The following TTC7A variants were observed in gnomAD, a reference collection of about 807,000 sequenced individuals.
TTC7A encodes tetratricopeptide repeat domain 7A.
A neutral mutation model predicts 103.7 loss-of-function variants in TTC7A; 110 were observed. That is an observed-to-expected ratio of 1.06 (90% CI 0.91 to 1.24). TTC7A has a LOEUF of 1.24. Among genes scored for constraint, TTC7A ranks in the 50% most tolerant of loss-of-function variants. The pLI is 0.00. For synonymous variants in TTC7A, 521 were observed against 467.9 expected (o/e 1.11, Z -1.47); for missense variants, 1,340 against 1,116.3 (o/e 1.20, Z -2.86).
intron 2 of TTC7A, among the ~76,000 whole-genome samples, chr2:46,955,209 G>C (rs1384214530): frequency 6.6e-6 from 1 of 151,178 alleles, no homozygotes; most frequent in South Asian, 2.1e-4. Context: ...TCACCCACGA[G>C]GAAGACGCAG....
intron 1 of TTC7A, among the ~76,000 whole-genome samples, 180 bp from the exon 2 acceptor site, chr2:46,950,183 A>G (rs1383226983): frequency 2.0e-5 from 3 of 152,198 alleles, no homozygotes; most frequent in Non-Finnish European, 2.9e-5. Context: ...ACCATAGTAG[A>G]ATGCCTGTGT....
chr2:47,032,937 G>A (rs893091170), intron 15 of TTC7A, among the ~76,000 whole-genome samples: 2 of 151,592 alleles, frequency 1.3e-5, no homozygotes, highest in African/African-American at 4.9e-5. Flanking sequence ...TATGGCTGGG[G>A]TGGGGCTGAG....
At chr2:46,928,220 A>C (rs987032582) in intron 2 of TTC7A, among the ~76,000 whole-genome samples, 3 of 151,868 alleles carry the variant, frequency 2.0e-5, no homozygotes, top group Non-Finnish European at 2.9e-5. Context: ...TCTGCATAAC[A>C]AATTACTACC....
chr2:46,956,966 T>C lies in TTC7A; in HGVS notation c.476T>C (p.Leu159Pro), dbSNP rs775149640. ...GACATGTCCATGGAGAACAAGCCCC[T>C]GTATCAGATGCGGCTGCTGTCGGAG... is the stretch of plus-strand genomic sequence containing the variant. ...IDDMSMENKPLYQMRLLSEAF... is the reference protein window; with the variant it reads ...IDDMSMENKPPYQMRLLSEAF... The change falls in exon 3 of 20, where the codon CTG (leucine) becomes CCG (proline). Residue 159 changes from leucine (L) to proline (P), a missense_variant. By Grantham distance (98) the Leu-to-Pro change is moderately conservative. Coordinates refer to ENST00000319190, the MANE Select transcript of TTC7A (RefSeq NM_020458.4). The C allele has an allele frequency of 8.1e-6, 13 of 1,614,050 alleles. No homozygotes were observed. In the Admixed American group the frequency reaches 1.5e-4, roughly 19 times the overall value.
intron 2 of TTC7A, among the ~76,000 whole-genome samples, chr2:46,918,317 A>G (rs1309023286): frequency 6.6e-6 from 1 of 152,164 alleles, no homozygotes; most frequent in Non-Finnish European, 1.5e-5. Flanking sequence ...AAGCCTGTTG[A>G]TGCTATCAAA....
intron 3 of TTC7A, among the ~76,000 whole-genome samples, chr2:46,959,015 C>T (rs1672149040): frequency 6.6e-6 from 1 of 152,142 alleles, no homozygotes. Flanking sequence ...CATTCTATGT[C>T]GCGGATGAGG....
At chr2:46,961,452 C>T (rs1444217869) in intron 3 of TTC7A, among the ~76,000 whole-genome samples, 3 of 151,850 alleles carry the variant, frequency 2.0e-5, no homozygotes, top group Non-Finnish European at 4.4e-5. Context: ...TGGCAGGTGC[C>T]TGTAGTCCCA....
At chr2:47,065,515 C>G (rs757488672) in intron 19 of TTC7A, among the ~76,000 whole-genome samples, 1 of 152,204 alleles carries the variant, frequency 6.6e-6, no homozygotes, top group African/African-American at 2.4e-5. Context: ...AAGGTTCTAA[C>G]GTTGTCTTCT....
intron 2 of TTC7A, among the ~76,000 whole-genome samples, chr2:46,933,686 G>T (rs1669825994): frequency 6.6e-6 from 1 of 152,246 alleles, no homozygotes; most frequent in African/African-American, 2.4e-5. Flanking sequence ...CCATGCACAT[G>T]ACTACATAAA....
At chr2:46,973,840 G>A (rs1673595340) in intron 3 of TTC7A, among the ~76,000 whole-genome samples, 1 of 152,156 alleles carries the variant, frequency 6.6e-6, no homozygotes, top group South Asian at 2.1e-4. Flanking sequence ...TTCTTCAGAG[G>A]TCACTTTCTT....
intron 15 of TTC7A, among the ~76,000 whole-genome samples, chr2:47,039,120 A>T (rs1458445572): frequency 6.6e-6 from 1 of 152,110 alleles, no homozygotes; most frequent in African/African-American, 2.4e-5. Context: ...TTGCAAATGA[A>T]TAGGCACCAT....
chr2:46,916,172 C>T (rs1346476619), exon 1 of TTC7A: 3 of 985,224 alleles, frequency 3.0e-6, no homozygotes, highest in African/African-American at 1.7e-5. Flanking sequence ...ATACAGGGCT[C>T]TTGGTTCAGG....
chr2:47,019,392 C>A (rs1054172119), intron 11 of TTC7A, among the ~76,000 whole-genome samples: 3 of 151,858 alleles, frequency 2.0e-5, no homozygotes, highest in African/African-American at 7.3e-5. Context: ...AAAACACACA[C>A]AAAAAGAAAT....
intron 6 of TTC7A, 112 bp from the exon 7 acceptor site, chr2:46,994,244 GC>G: frequency 2.3e-6 from 3 of 1,321,554 alleles, no homozygotes; most frequent in South Asian, 1.4e-5. Flanking sequence ...TACCCAAAGG[GC>G]CGCACATTGC....
intron 3 of TTC7A, 74 bp downstream of exon 3, chr2:46,957,081 T>C (rs1671937866): frequency 6.3e-7 from 1 of 1,582,222 alleles, no homozygotes; most frequent in Non-Finnish European, 8.7e-7. Flanking sequence ...AGGGCCCTGC[T>C]GGGCTCGTGT....
intron 19 of TTC7A, among the ~76,000 whole-genome samples, chr2:47,069,283 GGGCCCCT>G (rs1423681185): frequency 2.0e-5 from 3 of 152,124 alleles, no homozygotes; most frequent in Admixed American, 2.0e-4. Context: ...GTGACCCATC[GGGCCCCT>G]GGCCGCTGGT....
chr2:46,952,736 A>G (rs1671522934), intron 2 of TTC7A, among the ~76,000 whole-genome samples: 1 of 152,210 alleles, frequency 6.6e-6, no homozygotes, highest in African/African-American at 2.4e-5. Flanking sequence ...TGGGTGACAG[A>G]GCAAGATCCT....
chr2:46,946,458 C>T (rs1670945856), intron 1 of TTC7A, among the ~76,000 whole-genome samples: 1 of 151,990 alleles, frequency 6.6e-6, no homozygotes, highest in African/African-American at 2.4e-5. Flanking sequence ...AGGTATTGCC[C>T]TGTTGCCTAG....
At chr2:46,982,391 A>G (rs1213120067) in intron 5 of TTC7A, among the ~76,000 whole-genome samples, 2 of 151,996 alleles carry the variant, frequency 1.3e-5, no homozygotes, top group Admixed American at 6.5e-5. Flanking sequence ...AAAAAAAAGA[A>G]TAGGTTGGAA....
Sources: gnomAD v4.1 joint callset for allele counts (sites outside exome capture counted in the v4.1 genomes callset) on GRCh38, gnomAD v4.1.1 for gene constraint, MANE v1.5 for transcripts, NCBI Gene and HGNC (gene_info 2026-07-23, HGNC 2026-07-21) for gene names.